Variants in EIF2S2 observed in about 807,000 individuals in gnomAD.
EIF2S2 encodes the protein eukaryotic translation initiation factor 2 subunit 2.
EIF2S2 carries 4 observed loss-of-function variants against 44.0 expected under a neutral mutation model. The observed-to-expected ratio is 0.09, with a 90% CI of 0.04 to 0.21. The LOEUF (loss-of-function observed/expected upper bound fraction) is 0.21, where lower values mean the gene tolerates loss of function less well. Among genes scored for constraint, EIF2S2 ranks in the 10% least tolerant of loss-of-function variants. The pLI is 1.00. For missense variants in EIF2S2, 154 were observed against 392.0 expected, an observed-to-expected ratio of 0.39 and a Z score of 5.13; for synonymous variants, 108 against 128.3, an observed-to-expected ratio of 0.84 and a Z score of 1.07.
Position 34,096,695 on chromosome 20 carries a change from C to T in EIF2S2, c.645G>A (p.Lys215=). The change falls in exon 6 of 9, where the codon AAG becomes AAA. Residue 215 remains lysine (K), a synonymous_variant. Coordinates refer to ENST00000374980, the MANE Select transcript of EIF2S2 (RefSeq NM_003908.5). ...CTGTAAAGTTGACAAAAGAAGTTTTCTTGGTTCCTACTCGGACGACTTGTG... is the reference window on the plus strand; with the variant it reads ...CTGTAAAGTTGACAAAAGAAGTTTTTTTGGTTCCTACTCGGACGACTTGTG... ...KPPQVVRVGT[K]KTSFVNFTDI... 1 of 1,607,338 alleles carries T rather than the reference C, an allele frequency of 6.2e-7. No individual in the cohort carries two copies. The highest frequency in any genetic ancestry group is 8.5e-7 in the Non-Finnish European group (1 of 1,178,544).
At position 34,097,490 on chromosome 20, in the gene EIF2S2, C is replaced by T; in HGVS notation, c.460G>A (p.Asp154Asn). The change falls in exon 5 of 9, where the codon GAT becomes AAT. Residue 154 changes from aspartate to asparagine, a missense_variant. Asp to Asn is a conservative substitution (Grantham distance 23). Transcript: ENST00000374980. Reference protein sequence around the residue: ...EALEDEDNKKDDGISFSNQTG... With the variant: ...EALEDEDNKKNDGISFSNQTG... ...TGATTACTGAATGAGATACCATCATCTTTTTTGTTGTCTTCATCTTCTAGA... is the reference window on the plus strand; with the variant it reads ...TGATTACTGAATGAGATACCATCATTTTTTTTGTTGTCTTCATCTTCTAGA... 1 of 1,613,462 alleles carries T rather than the reference C, an allele frequency of 6.2e-7. No homozygotes were observed. Among genetic ancestry groups the T allele is most frequent in the Non-Finnish European group, 8.5e-7 (1 of 1,179,960 alleles).
chr20:34,102,076 C>G (rs1391241436), intron 3 of EIF2S2, among the ~76,000 whole-genome samples: 4 of 152,112 alleles, frequency 2.6e-5, no homozygotes, highest in African/African-American at 9.7e-5. Flanking sequence ...AGTGAATGTC[C>G]GTGCCTTGCC....
chr20:34,088,881 T>C lies in EIF2S2; in HGVS notation c.*849A>G, dbSNP rs1002378336. ...TTTCAAACCCAGAACACAAGTTGGCTAGGAAAACGGAAAGCTTCCTCTGGC... is the reference window on the plus strand; with the variant it reads ...TTTCAAACCCAGAACACAAGTTGGCCAGGAAAACGGAAAGCTTCCTCTGGC... On this transcript the variant is annotated 3_prime_UTR_variant, in exon 9 of 9. Transcript: ENST00000374980. 6.6e-6 allele frequency: 1 copy of C among 152,320 alleles called. No homozygotes were observed. The highest frequency in any genetic ancestry group is 1.5e-5 in the Non-Finnish European group (1 of 68,044). The allele number at this position is 152,320 out of a possible 1,614,324, so 9.4% of individuals were successfully genotyped here. A position where few individuals can be genotyped will look rare whatever the true frequency, so the allele number is the denominator to read the frequency against.
At chr20:34,096,853 G>T (rs772502106) in intron 5 of EIF2S2, 48 bp from the exon 6 acceptor site, 1 of 1,554,270 alleles carries the variant, frequency 6.4e-7, no homozygotes. Flanking sequence ...AACTGCAGGG[G>T]TATAAAGTTC....
intron 1 of EIF2S2, chr20:34,108,063 T>C (rs2034369236): frequency 6.6e-6 from 1 of 152,198 alleles, no homozygotes; most frequent in African/African-American, 2.4e-5. Flanking sequence ...CTCTAGACAC[T>C]ATAAATTTGG....
intron 1 of EIF2S2, among the ~76,000 whole-genome samples, chr20:34,109,640 A>G (rs2034388665): frequency 6.6e-6 from 1 of 152,098 alleles, no homozygotes; most frequent in African/African-American, 2.4e-5. Flanking sequence ...AGCCTGGGAA[A>G]CAAGAGCGAG....
chr20:34,091,787 G>GGT (rs2034168543), intron 7 of EIF2S2, among the ~76,000 whole-genome samples: 1 of 138,374 alleles, frequency 7.2e-6, no homozygotes, highest in African/African-American at 2.6e-5. Flanking sequence ...GGGGGGGGGG[G>GGT]GTCCAAGGGT....
At chr20:34,111,990 A>C (rs1314185435) in intron 1 of EIF2S2, 106 bp downstream of exon 1, 2 of 1,237,804 alleles carry the variant, frequency 1.6e-6, no homozygotes, top group Non-Finnish European at 2.1e-6. Context: ...CGGCTGCCTC[A>C]CATGGCGGCG....
intron 8 of EIF2S2, among the ~76,000 whole-genome samples, chr20:34,090,205 A>G (rs2034147381): frequency 6.6e-6 from 1 of 152,242 alleles, no homozygotes; most frequent in African/African-American, 2.4e-5. Context: ...AGACATGCCA[A>G]TTTTAAATAA....
At chr20:34,107,427 CAT>C (rs1399967065) in intron 1 of EIF2S2, among the ~76,000 whole-genome samples, 8 of 152,156 alleles carry the variant, frequency 5.3e-5, no homozygotes, top group African/African-American at 1.9e-4. Flanking sequence ...TTCCACGGCT[CAT>C]GTGTAAAATG....
At chr20:34,101,594 T>A (rs2034295858) in intron 3 of EIF2S2, among the ~76,000 whole-genome samples, 1 of 152,128 alleles carries the variant, frequency 6.6e-6, no homozygotes, top group African/African-American at 2.4e-5. Flanking sequence ...GCTATACTAT[T>A]ATTATTTTAT....
chr20:34,105,908 C>A (rs1003511742), intron 1 of EIF2S2, among the ~76,000 whole-genome samples: 3 of 152,076 alleles, frequency 2.0e-5, no homozygotes, highest in African/African-American at 7.2e-5. Context: ...AATACCTAAG[C>A]GGGGTGTAAA....
intron 5 of EIF2S2, among the ~76,000 whole-genome samples, 155 bp downstream of exon 5, chr20:34,097,261 C>T (rs919283588): frequency 1.3e-5 from 2 of 152,228 alleles, no homozygotes; most frequent in African/African-American, 2.4e-5. Context: ...CCCACGGGTG[C>T]GCACCAGGAA....
chr20:34,108,778 TTACCC>T (rs2122440038), intron 1 of EIF2S2, among the ~76,000 whole-genome samples: 1 of 152,266 alleles, frequency 6.6e-6, no homozygotes, highest in Admixed American at 6.5e-5. Flanking sequence ...AGATCATACC[TTACCC>T]AAGAAATCAA....
In EIF2S2 at chr20:34,112,143, G is replaced by A. The variant is rs754215681; in HGVS notation, c.-33C>T. ...GCTCGAGTGGGCTCGGCACGGACGG[G>A]AAGTCAGACGGGTCAGCCCCAGGCC... On this transcript the variant is annotated 5_prime_UTR_variant, in exon 1 of 9. Coordinates refer to ENST00000374980, the MANE Select transcript of EIF2S2 (RefSeq NM_003908.5). 11 of 1,539,242 alleles carry A rather than the reference G, an allele frequency of 7.1e-6. No homozygotes were observed. The African/African-American group carries it at 1.1e-4, about 15-fold the overall frequency.
chr20:34,107,484 A>T (rs898654367), intron 1 of EIF2S2, among the ~76,000 whole-genome samples: 6 of 152,198 alleles, frequency 3.9e-5, no homozygotes, highest in Non-Finnish European at 7.3e-5. Flanking sequence ...GGTTACTGGG[A>T]GGGTTAAAGA....
At chr20:34,105,654 T>C in intron 1 of EIF2S2, 109 bp from the exon 2 acceptor site, 3 of 1,091,994 alleles carry the variant, frequency 2.7e-6, no homozygotes, top group Non-Finnish European at 3.8e-6. Flanking sequence ...GAGTATGTGA[T>C]ACATTAAAAC....
intron 6 of EIF2S2, among the ~76,000 whole-genome samples, chr20:34,095,940 TCCCAGACAGTAA>T (rs2034223327): frequency 6.6e-6 from 1 of 152,162 alleles, no homozygotes; most frequent in African/African-American, 2.4e-5. Flanking sequence ...GAAAAGCCAT[TCCCAGACAGTAA>T]CCCAGGGCTG....
At chr20:34,099,158 C>T (rs535293871) in intron 3 of EIF2S2, among the ~76,000 whole-genome samples, 4 of 152,220 alleles carry the variant, frequency 2.6e-5, no homozygotes, top group African/African-American at 9.6e-5. Context: ...TCCCTGAGGT[C>T]AGGAGTTCAA....
Sources: allele counts gnomAD v4.1 joint callset (sites outside exome capture counted in the v4.1 genomes callset), GRCh38; gene constraint gnomAD v4.1.1; transcripts MANE v1.5; gene names NCBI Gene and HGNC (gene_info 2026-07-23, HGNC 2026-07-21).